LMF1: variants seen among roughly 807,000 people sequenced by gnomAD.
The protein encoded by LMF1 is transmembrane protein 112.
In LMF1, 68 loss-of-function variants were observed where a neutral mutation model predicts 60.6. That is an observed-to-expected ratio of 1.12 (90% CI 0.92 to 1.37). The LOEUF is 1.37. LMF1 is among the 40% of genes most tolerant of loss of function. The pLI is 0.00. For missense variants in LMF1, 948 were observed against 767.2 expected, an observed-to-expected ratio of 1.24 and a Z score of -2.78; for synonymous variants, 418 against 324.7, an observed-to-expected ratio of 1.29 and a Z score of -3.09.
rs984484097 is a variant in LMF1, at chr16:854,523, G to A, written c.*9C>T. On this transcript the variant is annotated 3_prime_UTR_variant, in exon 11 of 11. Transcript: ENST00000262301. The stretch of plus-strand genomic sequence containing the variant: ...GGGCTGGGTCTTCGCCTTTATTTCT[G>A]GTGCACGTCTAGAGGGGCCCGGGCA... The A allele has an allele frequency of 6.2e-7, 1 of 1,604,472 alleles. No individual in the cohort carries two copies. The highest frequency in any genetic ancestry group is 1.7e-5 in the Admixed American group (1 of 59,264).
chr16:931,741 A>C, intron 3 of LMF1: 2 of 1,287,250 alleles, frequency 1.6e-6, no homozygotes, highest in Non-Finnish European at 2.0e-6. Context: ...TGCCGAAGCT[A>C]CTACGAGTCT....
At chr16:977,099 A>G (rs3803700) in intron 1 of LMF1, 230,374 of 453,934 alleles carry the variant, frequency 0.51, 61,785 homozygotes, top group African/African-American at 0.76. Flanking sequence ...TGCTCCTGCA[A>G]GGTGCCAAGA....
chr16:869,123 C>T, intron 9 of LMF1, 67 bp from the exon 10 acceptor site: 2 of 1,035,412 alleles, frequency 1.9e-6, no homozygotes, highest in Non-Finnish European at 1.5e-6. Context: ...CCTCCGGACG[C>T]TCGGCTGTGC....
At chr16:970,559 G>A (rs1341739954) in intron 1 of LMF1, among the ~76,000 whole-genome samples, 1 of 152,152 alleles carries the variant, frequency 6.6e-6, no homozygotes, top group African/African-American at 2.4e-5. Flanking sequence ...GGGAGCCCAG[G>A]AGCCCAGGCC....
At chr16:966,464 G>A (rs911727267) in intron 1 of LMF1, among the ~76,000 whole-genome samples, 2 of 152,188 alleles carry the variant, frequency 1.3e-5, no homozygotes, top group African/African-American at 4.8e-5. Context: ...TGGCACCCAC[G>A]AAAAGTGCCA....
At chr16:908,293 A>C (rs1316153832) in intron 4 of LMF1, among the ~76,000 whole-genome samples, 1 of 152,216 alleles carries the variant, frequency 6.6e-6, no homozygotes, top group Non-Finnish European at 1.5e-5. Flanking sequence ...TAAATGGAAA[A>C]GTAAACCCGG....
intron 2 of LMF1, among the ~76,000 whole-genome samples, chr16:937,549 A>T: frequency 6.6e-6 from 1 of 152,170 alleles, no homozygotes; most frequent in South Asian, 2.1e-4. Flanking sequence ...CTGTTGACTG[A>T]CAGGTCGTTG....
At position 953,928 on chromosome 16, in the gene LMF1, T is replaced by C. The variant is rs11647424; in HGVS notation, c.503+429A>G. ...ACACAGACACCCACCCCAAACCAGCTTCCTACACGTCCACACAGACACCCA... is the reference window on the plus strand; with the variant it reads ...ACACAGACACCCACCCCAAACCAGCCTCCTACACGTCCACACAGACACCCA... On this transcript the variant is annotated intron_variant, in intron 2 of 10. Transcript: ENST00000262301. 5.7e-3 allele frequency among the ~76,000 whole-genome samples: 211 copies of C among 36,954 alleles called. 2 individuals carry two copies. The highest frequency in any genetic ancestry group is 0.036 in the Middle Eastern group (2 of 56). The allele number at this position is 36,954 out of a possible 152,430, so 24.2% of individuals were successfully genotyped here.
rs1444704842 is a variant in LMF1 at position 871,306 on chromosome 16, C to G, written c.933G>C (p.Leu311=). ...VLIVSGNLSF[L]NWLTMVPSLA... The stretch of plus-strand genomic sequence containing the variant: ...GGCTGGGCACCATAGTCAGCCAGTT[C>G]AGGAAGCTGAGGTTCCCGCTGACGA... The change falls in exon 7 of 11, where the codon CTG becomes CTC. Residue 311 remains leucine, a synonymous_variant. Coordinates refer to ENST00000262301, the MANE Select transcript of LMF1 (RefSeq NM_022773.4). The G allele has an allele frequency of 3.7e-6, 6 of 1,612,368 alleles. No individual in the cohort carries two copies. In the African/African-American group the frequency reaches 5.3e-5, roughly 14 times the overall value.
intron 2 of LMF1, among the ~76,000 whole-genome samples, chr16:941,749 T>C (rs1350522319): frequency 2.0e-5 from 3 of 152,208 alleles, no homozygotes; most frequent in Non-Finnish European, 4.4e-5. Context: ...GTGATTGCCC[T>C]AGGGCTAACA....
chr16:957,781 C>T (rs988880377), intron 1 of LMF1, among the ~76,000 whole-genome samples: 14 of 152,242 alleles, frequency 9.2e-5, no homozygotes, highest in Non-Finnish European at 2.1e-4. Context: ...ACACAGCCCC[C>T]CTGCCCCCGA....
intron 2 of LMF1, among the ~76,000 whole-genome samples, chr16:951,446 T>G (rs912875523): frequency 1.3e-5 from 2 of 152,196 alleles, no homozygotes; most frequent in African/African-American, 4.8e-5. Context: ...TCCAGCGTCC[T>G]GCAAGGCTGC....
At chr16:884,987 G>A (rs1057040810) in intron 5 of LMF1, 1 of 152,264 alleles carries the variant, frequency 6.6e-6, no homozygotes, top group Non-Finnish European at 1.5e-5. Context: ...CTCCGGAAAT[G>A]GTAAGTATAT....
At chr16:922,582 A>T (rs1281207700) in intron 3 of LMF1, among the ~76,000 whole-genome samples, 4 of 149,426 alleles carry the variant, frequency 2.7e-5, no homozygotes, top group African/African-American at 9.8e-5. Flanking sequence ...GCCCTGTCTG[A>T]AAGTCGCCTC....
At chr16:946,516 AG>A (rs1206509276) in intron 2 of LMF1, among the ~76,000 whole-genome samples, 1 of 152,236 alleles carries the variant, frequency 6.6e-6, no homozygotes, top group African/African-American at 2.4e-5. Flanking sequence ...AACTGATCCA[AG>A]GCCAGAAGAG....
chr16:965,804 T>C (rs1351300885), intron 1 of LMF1, among the ~76,000 whole-genome samples: 1 of 151,666 alleles, frequency 6.6e-6, no homozygotes, highest in Non-Finnish European at 1.5e-5. Flanking sequence ...AAAGAAGGGG[T>C]AATGGCTGGA....
chr16:889,302 A>G (rs892338929), intron 5 of LMF1, among the ~76,000 whole-genome samples: 1 of 152,052 alleles, frequency 6.6e-6, no homozygotes, highest in African/African-American at 2.4e-5. Flanking sequence ...TTTGCCGGCA[A>G]CTGCCTTTCG....
At chr16:930,467 G>A (rs1010826633) in intron 3 of LMF1, among the ~76,000 whole-genome samples, 3 of 151,912 alleles carry the variant, frequency 2.0e-5, no homozygotes, top group Non-Finnish European at 4.4e-5. Flanking sequence ...AGGCTGAGGC[G>A]GGAGGATCGC....
chr16:922,406 T>C (rs2071456791), intron 3 of LMF1, among the ~76,000 whole-genome samples: 1 of 152,230 alleles, frequency 6.6e-6, no homozygotes. Flanking sequence ...ACTGGGGAAC[T>C]GATCCAGCAG....
Sources: allele counts gnomAD v4.1 joint callset (sites outside exome capture counted in the v4.1 genomes callset), GRCh38; gene constraint gnomAD v4.1.1; transcripts MANE v1.5; gene names NCBI Gene and HGNC (gene_info 2026-07-23, HGNC 2026-07-21).